Variants in ERC2 observed in about 807,000 individuals in gnomAD.
ERC2 encodes the protein ERC protein 2.
A neutral mutation model predicts 114.8 loss-of-function variants in ERC2; 42 were observed. That is an observed-to-expected ratio of 0.37 (90% confidence interval 0.29 to 0.47). ERC2 has a LOEUF of 0.47. ERC2 is among the 20% of genes least tolerant of loss of function. The probability of loss-of-function intolerance (pLI) is 0.99; values close to 1 mark genes in which losing one functional copy is unlikely to be tolerated. For synonymous variants in ERC2, 454 were observed against 425.5 expected (o/e 1.07, Z -0.82); for missense variants, 939 against 1,150.7 (o/e 0.82, Z 2.66).
intron 3 of ERC2, among the ~76,000 whole-genome samples, chr3:56,216,446 G>A (rs1575881373): frequency 1.3e-5 from 2 of 152,276 alleles, no homozygotes; most frequent in Middle Eastern, 6.8e-3. Context: ...AAACCAGGAA[G>A]AAGTTGAATC....
intron 2 of ERC2, among the ~76,000 whole-genome samples, chr3:56,361,659 G>T (rs1305316620): frequency 6.6e-6 from 1 of 152,216 alleles, no homozygotes; most frequent in Non-Finnish European, 1.5e-5. Context: ...TTGGACCATG[G>T]AATACACCCA....
intron 1 of ERC2, among the ~76,000 whole-genome samples, chr3:56,466,430 T>C (rs2063547453): frequency 6.6e-6 from 1 of 152,154 alleles, no homozygotes; most frequent in African/African-American, 2.4e-5. Context: ...TCACCCATGA[T>C]TCATCCACCC....
chr3:55,866,697 T>G (rs562712844), intron 14 of ERC2, among the ~76,000 whole-genome samples: 1 of 152,198 alleles, frequency 6.6e-6, no homozygotes, highest in Admixed American at 6.5e-5. Flanking sequence ...ATCCATTAAG[T>G]TTTTTGTGTA....
chr3:55,803,137 A>G (rs889246969), intron 14 of ERC2, among the ~76,000 whole-genome samples: 1 of 152,184 alleles, frequency 6.6e-6, no homozygotes, highest in Admixed American at 6.5e-5. Context: ...CAAGTGCACA[A>G]TAGCCTGCAA....
At chr3:56,218,452 A>C (rs1277764275) in intron 3 of ERC2, among the ~76,000 whole-genome samples, 1 of 152,224 alleles carries the variant, frequency 6.6e-6, no homozygotes, top group African/African-American at 2.4e-5. Flanking sequence ...ACCATCTCAC[A>C]CCAGTTAGAA....
chr3:56,131,794 T>C (rs1012831107), intron 6 of ERC2, among the ~76,000 whole-genome samples: 1 of 152,166 alleles, frequency 6.6e-6, no homozygotes, highest in African/African-American at 2.4e-5. Flanking sequence ...GTGACCACAG[T>C]TAACAATAAT....
chr3:55,742,159 C>T (rs2066003170), intron 14 of ERC2, among the ~76,000 whole-genome samples: 1 of 152,022 alleles, frequency 6.6e-6, no homozygotes, highest in Non-Finnish European at 1.5e-5. Context: ...CATCTCCTGC[C>T]AAGATAAATG....
chr3:56,004,724 C>A (rs1423050459), intron 10 of ERC2, among the ~76,000 whole-genome samples: 2 of 151,950 alleles, frequency 1.3e-5, no homozygotes, highest in African/African-American at 2.4e-5. Context: ...CACTCACAAA[C>A]CTTGAGCAAA....
intron 2 of ERC2, among the ~76,000 whole-genome samples, chr3:56,321,085 T>C (rs1299318506): frequency 1.3e-5 from 2 of 152,112 alleles, no homozygotes; most frequent in African/African-American, 4.8e-5. Context: ...CCACATCTCA[T>C]TTCAAAGACA....
chr3:56,183,105 A>G (rs2083376833), intron 3 of ERC2, among the ~76,000 whole-genome samples: 1 of 152,218 alleles, frequency 6.6e-6, no homozygotes, highest in African/African-American at 2.4e-5. Flanking sequence ...TTTGGATCCA[A>G]TAACCTCCAT....
chr3:56,194,826 G>T (rs866133342), intron 3 of ERC2, among the ~76,000 whole-genome samples: 1 of 152,062 alleles, frequency 6.6e-6, no homozygotes. Flanking sequence ...AAAAAAACGT[G>T]AAATTTACCT....
At chr3:56,412,660 C>T (rs61161178) in intron 2 of ERC2, among the ~76,000 whole-genome samples, 6,754 of 152,192 alleles carry the variant, frequency 0.044, 371 homozygotes, top group African/African-American at 0.13. Context: ...CCTGGGTTGG[C>T]TTCCATGTTT....
intron 14 of ERC2, among the ~76,000 whole-genome samples, chr3:55,832,033 G>T (rs752478745): frequency 3.9e-5 from 6 of 152,234 alleles, no homozygotes; most frequent in Non-Finnish European, 8.8e-5. Flanking sequence ...CAAACTGCAC[G>T]TCAGCAGCGA....
intron 2 of ERC2, among the ~76,000 whole-genome samples, chr3:56,366,931 T>C (rs1390152736): frequency 6.6e-6 from 1 of 152,216 alleles, no homozygotes. Flanking sequence ...TCTCTGGTTT[T>C]CTTGTTGGGA....
At chr3:55,807,323 G>T (rs760922164) in intron 14 of ERC2, among the ~76,000 whole-genome samples, 14 of 152,192 alleles carry the variant, frequency 9.2e-5, no homozygotes, top group Non-Finnish European at 1.6e-4. Flanking sequence ...ATTGAGAAGT[G>T]ATGTGTTGAT....
At chr3:56,410,200 T>G (rs2060887748) in intron 2 of ERC2, among the ~76,000 whole-genome samples, 1 of 152,220 alleles carries the variant, frequency 6.6e-6, no homozygotes, top group South Asian at 2.1e-4. Context: ...TGTCAAATTT[T>G]GGGATATATA....
At chr3:56,224,644 AC>A (rs1280633574) in intron 3 of ERC2, among the ~76,000 whole-genome samples, 1 of 152,162 alleles carries the variant, frequency 6.6e-6, no homozygotes, top group Admixed American at 6.5e-5. Context: ...ACACTGAAAC[AC>A]GGGTCAAGGC....
intron 14 of ERC2, among the ~76,000 whole-genome samples, chr3:55,827,926 C>T (rs116470419): frequency 0.019 from 2,894 of 152,324 alleles, 86 homozygotes; most frequent in African/African-American, 0.066. Context: ...TCAGCAGCAA[C>T]GTTGAGAAGC....
At chr3:56,189,213 C>G (rs1030751175) in intron 3 of ERC2, among the ~76,000 whole-genome samples, 1 of 152,212 alleles carries the variant, frequency 6.6e-6, no homozygotes, top group Non-Finnish European at 1.5e-5. Flanking sequence ...GAATCTGTTT[C>G]TTTCTTCATA....
Sources: allele counts gnomAD v4.1 joint callset (sites outside exome capture counted in the v4.1 genomes callset), GRCh38; gene constraint gnomAD v4.1.1; transcripts MANE v1.5; gene names NCBI Gene and HGNC (gene_info 2026-07-23, HGNC 2026-07-21).